Variants in DOCK1 observed in about 807,000 individuals in gnomAD.
The protein encoded by DOCK1 is dedicator of cytokinesis 1.
A neutral mutation model predicts 262.7 loss-of-function variants in DOCK1; 138 were observed. That is an observed-to-expected ratio of 0.53 (90% CI 0.46 to 0.61). DOCK1 has a LOEUF of 0.61. Ranked by LOEUF, DOCK1 falls within the 20% of genes least tolerant of loss-of-function variation. DOCK1 has a pLI of 0.00. For synonymous variants in DOCK1, 866 were observed against 867.4 expected (o/e 1.00, Z 0.03); for missense variants, 1,908 against 2,370.7 (o/e 0.80, Z 4.05).
intron 2 of DOCK1, among the ~76,000 whole-genome samples, chr10:126,975,857 T>G (rs9665671): frequency 0.52 from 78,584 of 151,502 alleles, 20,725 homozygotes; most frequent in East Asian, 0.64. Context: ...GACCTCAAGT[T>G]ATCTGCCCTC....
At chr10:127,129,591 G>A (rs1426675961) in intron 27 of DOCK1, among the ~76,000 whole-genome samples, 4 of 152,260 alleles carry the variant, frequency 2.6e-5, no homozygotes, top group East Asian at 1.9e-4. Flanking sequence ...GAGGTCTGGC[G>A]TTGACCCCTG....
intron 31 of DOCK1, among the ~76,000 whole-genome samples, chr10:127,345,797 C>CG (rs2063606827): frequency 6.6e-6 from 1 of 152,094 alleles, no homozygotes; most frequent in Admixed American, 6.5e-5. Flanking sequence ...AGCAGGGGCG[C>CG]AGGCTCCTGC....
At chr10:127,190,665 TCCCCCCCCC>T (rs56041181) in intron 27 of DOCK1, among the ~76,000 whole-genome samples, 29,229 of 44,660 alleles carry the variant, frequency 0.65, 10,616 homozygotes, top group South Asian at 0.81. Flanking sequence ...AATCCTATCT[TCCCCCCCCC>T]CCCCCCCCCG....
intron 17 of DOCK1, 28 bp downstream of exon 17, chr10:127,031,781 C>T: frequency 1.3e-6 from 2 of 1,581,518 alleles, no homozygotes; most frequent in Non-Finnish European, 8.6e-7. Context: ...TGCAATATTG[C>T]TGCTATAGAC....
At chr10:127,107,298 C>T (rs1011534002) in intron 24 of DOCK1, among the ~76,000 whole-genome samples, 1 of 152,056 alleles carries the variant, frequency 6.6e-6, no homozygotes, top group Admixed American at 6.5e-5. Context: ...AGCGGTGAAA[C>T]GGAATAAAAA....
rs2067799724 is a variant in DOCK1 at position 127,410,788 on chromosome 10, A to C, written c.4344-52A>C. ...AGGCCAGACCCCGTGTCCAAAAGCA[A>C]ATTGGCTATTTGCCGGGTTAAATAT... On this transcript the variant is annotated intron_variant, in intron 42 of 51. Coordinates refer to ENST00000623213, the MANE Select transcript of DOCK1 (RefSeq NM_001290223.2). 3 of 1,572,220 alleles carry C rather than the reference A, an allele frequency of 1.9e-6. No homozygotes were observed. The South Asian group carries it at 3.5e-5, about 18-fold the overall frequency.
chr10:127,027,208 T>A (rs1185254947), intron 16 of DOCK1, among the ~76,000 whole-genome samples: 1 of 152,228 alleles, frequency 6.6e-6, no homozygotes, highest in East Asian at 1.9e-4. Context: ...GATGACCCCG[T>A]GGGGGTCACA....
Position 127,143,550 on chromosome 10 carries a change from C to A in DOCK1, c.2847+15786C>A, listed in dbSNP as rs78625742. Among the ~76,000 whole-genome samples, 159 of 152,302 alleles carry A rather than the reference C, an allele frequency of 1.0e-3. 1 individual carries two copies. Among genetic ancestry groups the A allele is most frequent in the African/African-American group, 3.6e-3 (151 of 41,566 alleles). ...CCTGGGCCCAGGAGGGCAGGTGCAC[C>A]AGGATGTGGGCTGGCTTTTATTGTG... On this transcript the variant is annotated intron_variant, in intron 27 of 51. Coordinates refer to ENST00000623213, the MANE Select transcript of DOCK1 (RefSeq NM_001290223.2).
chr10:127,026,320 C>T (rs1280730487), intron 15 of DOCK1, 32 bp from the exon 16 acceptor site: 1 of 1,543,728 alleles, frequency 6.5e-7, no homozygotes, highest in East Asian at 2.4e-5. Context: ...ATATTGATAA[C>T]AGTGCTTAAA....
rs572804137 is a variant in DOCK1, at chr10:126,989,133, G to C, written c.325-1322G>C. Among the ~76,000 whole-genome samples, 45 of 151,814 alleles carry C rather than the reference G, an allele frequency of 3.0e-4. 1 individual carries two copies. In the South Asian group the frequency reaches 6.7e-3, roughly 22 times the overall value. On this transcript the variant is annotated intron_variant, in intron 5 of 51. Coordinates refer to ENST00000623213, the MANE Select transcript of DOCK1 (RefSeq NM_001290223.2). ...TTGTAGATATTAGCAAAATAGTAAG[G>C]ATTTTAGATAGTTGATACAGCCTTA... is the stretch of plus-strand genomic sequence containing the variant.
At chr10:126,947,218 T>C (rs2035490932) in intron 1 of DOCK1, among the ~76,000 whole-genome samples, 1 of 152,234 alleles carries the variant, frequency 6.6e-6, no homozygotes, top group African/African-American at 2.4e-5. Context: ...TCTGCCATGA[T>C]GATGGTGGTG....
At chr10:127,027,585 C>T (rs1223625553) in intron 16 of DOCK1, among the ~76,000 whole-genome samples, 1 of 129,180 alleles carries the variant, frequency 7.7e-6, no homozygotes, top group Non-Finnish European at 1.6e-5. Context: ...GACCCTGTCT[C>T]AAAAACAAAA....
chr10:127,339,646 T>TGCGC, intron 30 of DOCK1, among the ~76,000 whole-genome samples: 1 of 149,248 alleles, frequency 6.7e-6, no homozygotes, highest in East Asian at 2.0e-4. Context: ...TGTGTGTGTG[T>TGCGC]GTGCGCGCGC....
intron 29 of DOCK1, among the ~76,000 whole-genome samples, chr10:127,269,543 A>G (rs1326935183): frequency 6.6e-6 from 1 of 152,222 alleles, no homozygotes; most frequent in Non-Finnish European, 1.5e-5. Context: ...TAGAAGCAGC[A>G]TTTGTGAATT....
chr10:126,951,394 A>G (rs2036223467), intron 1 of DOCK1, among the ~76,000 whole-genome samples: 2 of 147,884 alleles, frequency 1.4e-5, no homozygotes, highest in South Asian at 4.3e-4. Flanking sequence ...TGGTGATGGT[A>G]GTAGTATTGC....
intron 24 of DOCK1, among the ~76,000 whole-genome samples, chr10:127,108,540 C>T (rs983690559): frequency 6.6e-6 from 1 of 152,054 alleles, no homozygotes; most frequent in African/African-American, 2.4e-5. Context: ...GAGCCTGGAT[C>T]GCGGCATTGT....
intron 29 of DOCK1, among the ~76,000 whole-genome samples, chr10:127,295,369 A>G (rs1380935235): frequency 6.6e-6 from 1 of 152,078 alleles, no homozygotes; most frequent in East Asian, 1.9e-4. Flanking sequence ...GACCTCACTC[A>G]TTGCCACAGG....
intron 1 of DOCK1, among the ~76,000 whole-genome samples, chr10:126,950,626 G>A (rs1235567001): frequency 1.3e-5 from 2 of 152,184 alleles, no homozygotes; most frequent in East Asian, 3.9e-4. Flanking sequence ...TCTTTGTTTG[G>A]GATGTGCTGG....
intron 29 of DOCK1, among the ~76,000 whole-genome samples, chr10:127,331,530 C>T (rs894224369): frequency 1.3e-5 from 2 of 152,176 alleles, no homozygotes; most frequent in Admixed American, 6.5e-5. Flanking sequence ...GATCCACCCA[C>T]CTTGGCCTCC....
Sources: allele counts gnomAD v4.1 joint callset (sites outside exome capture counted in the v4.1 genomes callset), GRCh38; gene constraint gnomAD v4.1.1; transcripts MANE v1.5; gene names NCBI Gene and HGNC (gene_info 2026-07-23, HGNC 2026-07-21).